SRGAP2: variants seen among roughly 807,000 people sequenced by gnomAD.
The protein encoded by SRGAP2 is SLIT-ROBO Rho GTPase activating protein 2.
Under a neutral mutation model 57.2 loss-of-function variants are expected in SRGAP2, and 15 were observed. The observed-to-expected ratio is 0.26, with a 90% CI of 0.18 to 0.40. The LOEUF is 0.40. SRGAP2 is among the 10% of genes least tolerant of loss of function. The probability of loss-of-function intolerance (pLI) is 1.00; values close to 1 mark genes in which losing one functional copy is unlikely to be tolerated. For synonymous variants in SRGAP2, 249 were observed against 248.0 expected (o/e 1.00, Z -0.04); for missense variants, 520 against 669.6 (o/e 0.78, Z 2.47).
At chr1:206,229,395 C>A in intron 2 of SRGAP2, among the ~76,000 whole-genome samples, 1 of 151,340 alleles carries the variant, frequency 6.6e-6, no homozygotes, top group Non-Finnish European at 1.5e-5. Flanking sequence ...AAATCATTAA[C>A]AACTCATTAA....
At chr1:206,283,832 T>C (rs1304133291) in intron 2 of SRGAP2, among the ~76,000 whole-genome samples, 1 of 142,124 alleles carries the variant, frequency 7.0e-6, no homozygotes, top group Non-Finnish European at 1.5e-5. Context: ...TTATACAGCT[T>C]ATTTTAATAT....
At chr1:206,419,876 GA>G (rs1189339748) in intron 12 of SRGAP2, among the ~76,000 whole-genome samples, 1 of 151,612 alleles carries the variant, frequency 6.6e-6, no homozygotes, top group Non-Finnish European at 1.5e-5. Flanking sequence ...GCTGGATAAT[GA>G]AATATTACAT....
At chr1:206,427,949 A>G (rs188478672) in intron 13 of SRGAP2, among the ~76,000 whole-genome samples, 1 of 152,234 alleles carries the variant, frequency 6.6e-6, no homozygotes, top group African/African-American at 2.4e-5. Flanking sequence ...TATGTAAAAT[A>G]AAAACGTGCT....
chr1:206,459,396 G>A (rs2103420431), intron 22 of SRGAP2, among the ~76,000 whole-genome samples: 1 of 148,312 alleles, frequency 6.7e-6, no homozygotes, highest in Admixed American at 6.6e-5. Flanking sequence ...CGAATGGGTA[G>A]ATGATCAATT....
chr1:206,459,723 T>G (rs1368851819), intron 22 of SRGAP2, among the ~76,000 whole-genome samples: 1 of 152,190 alleles, frequency 6.6e-6, no homozygotes, highest in African/African-American at 2.4e-5. Flanking sequence ...CTCAACTGAG[T>G]TGAGATTCTC....
At chr1:206,327,785 G>A (rs1263165903) in intron 3 of SRGAP2, among the ~76,000 whole-genome samples, 3 of 98,256 alleles carry the variant, frequency 3.1e-5, no homozygotes, top group Non-Finnish European at 5.5e-5. Flanking sequence ...AATATATCTA[G>A]CACTACAACT....
At chr1:206,337,080 A>G (rs1335643202) in intron 3 of SRGAP2, among the ~76,000 whole-genome samples, 1 of 144,344 alleles carries the variant, frequency 6.9e-6, no homozygotes, top group Admixed American at 6.7e-5. Flanking sequence ...GGCGGGTTTG[A>G]TAGGAATTCT....
intron 18 of SRGAP2, among the ~76,000 whole-genome samples, chr1:206,450,150 T>C (rs1043980469): frequency 6.6e-6 from 1 of 152,232 alleles, no homozygotes; most frequent in African/African-American, 2.4e-5. Context: ...GGCTTCCCTT[T>C]GTCTTGAGAT....
chr1:206,415,804 AG>A (rs1265175044), intron 10 of SRGAP2, 84 bp from the exon 11 acceptor site: 1 of 710,030 alleles, frequency 1.4e-6, no homozygotes, highest in African/African-American at 1.7e-5. Flanking sequence ...ACCTCTATAT[AG>A]GGGAATTGTC....
At chr1:206,256,771 T>G (rs1247123623) in intron 2 of SRGAP2, among the ~76,000 whole-genome samples, 1 of 152,012 alleles carries the variant, frequency 6.6e-6, no homozygotes, top group Non-Finnish European at 1.5e-5. Flanking sequence ...AGATTCAGAG[T>G]TATAAGCATA....
chr1:206,268,081 A>T (rs1280677045), intron 2 of SRGAP2, among the ~76,000 whole-genome samples: 17 of 145,298 alleles, frequency 1.2e-4, no homozygotes, highest in East Asian at 4.0e-4. Flanking sequence ...ATATATATAT[A>T]TTTTTTTTTT....
intron 3 of SRGAP2, among the ~76,000 whole-genome samples, chr1:206,321,882 A>G (rs542190524): frequency 3.9e-5 from 6 of 152,280 alleles, no homozygotes; most frequent in African/African-American, 9.6e-5. Context: ...TTTACTGTGG[A>G]GTTGACCATT....
intron 19 of SRGAP2, among the ~76,000 whole-genome samples, chr1:206,451,435 A>C (rs1171398803): frequency 6.6e-6 from 1 of 152,116 alleles, no homozygotes; most frequent in Non-Finnish European, 1.5e-5. Flanking sequence ...TCTGGATCAC[A>C]TGGGCTCTGG....
chr1:206,372,976 T>TC (rs1453359343), intron 4 of SRGAP2, among the ~76,000 whole-genome samples: 2,092 of 49,542 alleles, frequency 0.042, 286 homozygotes, highest in African/African-American at 0.068. Flanking sequence ...TTTCTTTCTT[T>TC]CTTTCTTTCT....
At chr1:206,424,910 A>G (rs1400746213) in intron 13 of SRGAP2, among the ~76,000 whole-genome samples, 12 of 152,258 alleles carry the variant, frequency 7.9e-5, no homozygotes, top group African/African-American at 2.9e-4. Context: ...ATGCCTGTGC[A>G]GTAGGACAGG....
At chr1:206,267,892 C>T (rs1239219939) in intron 2 of SRGAP2, among the ~76,000 whole-genome samples, 4 of 150,094 alleles carry the variant, frequency 2.7e-5, no homozygotes, top group African/African-American at 4.9e-5. Flanking sequence ...GATGAATTCT[C>T]AATAGAAAAA....
chr1:206,209,802 C>T (rs116836266), intron 2 of SRGAP2, among the ~76,000 whole-genome samples: 1,717 of 151,294 alleles, frequency 0.011, 39 homozygotes, highest in African/African-American at 0.039. Flanking sequence ...TGCGTATAAC[C>T]TATGTACACA....
intron 4 of SRGAP2, among the ~76,000 whole-genome samples, chr1:206,371,727 T>C: frequency 1.0e-5 from 1 of 99,356 alleles, no homozygotes; most frequent in African/African-American, 6.0e-5. Context: ...TGAGACTCCG[T>C]CTCCAAAAAA....
At chr1:206,340,251 AT>A (rs1385609345) in intron 3 of SRGAP2, among the ~76,000 whole-genome samples, 2 of 99,734 alleles carry the variant, frequency 2.0e-5, no homozygotes, top group Non-Finnish European at 3.6e-5. Flanking sequence ...TGTTAGGTTG[AT>A]TTTGCCTCCT....
Sources: gnomAD v4.1 joint callset for allele counts (sites outside exome capture counted in the v4.1 genomes callset) on GRCh38, gnomAD v4.1.1 for gene constraint, MANE v1.5 for transcripts, NCBI Gene and HGNC (gene_info 2026-07-23, HGNC 2026-07-21) for gene names.